Variants in FOXJ3 observed in about 807,000 individuals in gnomAD.
FOXJ3 encodes the protein forkhead box protein J3.
In FOXJ3, 22 loss-of-function variants were observed where a neutral mutation model predicts 76.1. The observed-to-expected ratio is 0.29, with a 90% CI of 0.21 to 0.41. The LOEUF is 0.41. Among genes scored for constraint, FOXJ3 ranks in the 10% least tolerant of loss-of-function variants. FOXJ3 has a pLI of 1.00. For missense variants in FOXJ3, 613 were observed against 762.1 expected (o/e 0.80, Z 2.30); for synonymous variants, 269 against 261.2 (o/e 1.03, Z -0.29).
At chr1:42,288,538 T>C (rs921336692) in intron 2 of FOXJ3, among the ~76,000 whole-genome samples, 2 of 152,200 alleles carry the variant, frequency 1.3e-5, no homozygotes, top group African/African-American at 4.8e-5. Context: ...GATCCTGTCT[T>C]GTCTTTTAGT....
At chr1:42,263,973 A>AC (rs1651274391) in intron 4 of FOXJ3, among the ~76,000 whole-genome samples, 1 of 117,366 alleles carries the variant, frequency 8.5e-6, no homozygotes, top group Non-Finnish European at 1.6e-5. Flanking sequence ...ATTGCTGCCT[A>AC]CTATGTGAAA....
intron 5 of FOXJ3, among the ~76,000 whole-genome samples, chr1:42,221,226 A>G (rs1336112984): frequency 6.6e-6 from 1 of 152,210 alleles, no homozygotes; most frequent in Non-Finnish European, 1.5e-5. Flanking sequence ...TCTGAGTTTT[A>G]TTATGAACAC....
rs1656409949 is a variant in FOXJ3, at chr1:42,335,154, G to A, written c.-113C>T. ...AAGGTCCCAACGGTGCCTACTGCGA[G>A]CGGTCGAGGCCCCGAGCAGCCCCGA... is the stretch of plus-strand genomic sequence containing the variant. On this transcript the variant is annotated 5_prime_UTR_variant, in exon 1 of 13. Coordinates refer to ENST00000361346, the MANE Select transcript of FOXJ3 (RefSeq NM_014947.5). 1 of 152,192 alleles carries A rather than the reference G, an allele frequency of 6.6e-6. No individual in the cohort carries two copies. The highest frequency in any genetic ancestry group is 6.5e-5 in the Admixed American group (1 of 15,270). 9.4% of individuals were successfully genotyped at this position (152,192 alleles called of 1,614,324 possible).
In FOXJ3 at chr1:42,288,751, G is replaced by A. The variant is rs555754548; in HGVS notation, c.45-10079C>T. ...TAGTAGAGCTTTTCAGATACTATGT[G>A]GTGTGTGATATCACAACAGATTTAA... On this transcript the variant is annotated intron_variant, in intron 2 of 12. Transcript: ENST00000361346. Among the ~76,000 whole-genome samples the A allele has an allele frequency of 2.9e-5, 4 of 138,234 alleles. No individual in the cohort carries two copies. In the Admixed American group the frequency reaches 3.1e-4, roughly 11 times the overall value. The allele number at this position is 138,234 out of a possible 152,430, so 90.7% of individuals were successfully genotyped here. A position where few individuals can be genotyped will look rare whatever the true frequency, so the allele number is the denominator to read the frequency against.
At chr1:42,292,156 T>C (rs1653479440) in intron 2 of FOXJ3, among the ~76,000 whole-genome samples, 1 of 152,142 alleles carries the variant, frequency 6.6e-6, no homozygotes. Context: ...TAAACATCAT[T>C]AGTTATTAGG....
At chr1:42,198,249 AT>A (rs199952973) in intron 7 of FOXJ3, among the ~76,000 whole-genome samples, 2 of 150,908 alleles carry the variant, frequency 1.3e-5, no homozygotes, top group East Asian at 1.9e-4. Context: ...ATAATACTTT[AT>A]TTTTTTTTAC....
chr1:42,291,697 C>T (rs117267960), intron 2 of FOXJ3, among the ~76,000 whole-genome samples: 1 of 151,888 alleles, frequency 6.6e-6, no homozygotes, highest in Non-Finnish European at 1.5e-5. Flanking sequence ...GGAAGATCGC[C>T]GGAGCCCAGG....
rs188790944 is a variant in FOXJ3 at position 42,211,490 on chromosome 1, G to A, written c.529-5627C>T. On this transcript the variant is annotated intron_variant, in intron 5 of 12. Transcript: ENST00000361346. ...TGAGAAGACCTCAGTGCATTTCACC[G>A]AGAGCTTCCCTAGCAACCTCTGCCA... 1.6e-4 allele frequency among the ~76,000 whole-genome samples: 24 copies of A among 152,006 alleles called. No individual in the cohort carries two copies. In the East Asian group the frequency reaches 4.5e-3, roughly 28 times the overall value.
intron 2 of FOXJ3, among the ~76,000 whole-genome samples, chr1:42,285,252 C>A: frequency 6.6e-6 from 1 of 152,096 alleles, no homozygotes. Flanking sequence ...GCTATTCTTC[C>A]TGATGCCCTC....
intron 2 of FOXJ3, among the ~76,000 whole-genome samples, chr1:42,282,491 T>A (rs554361197): frequency 6.6e-6 from 1 of 152,318 alleles, no homozygotes; most frequent in South Asian, 2.1e-4. Flanking sequence ...CAACCTCAGT[T>A]TGGCAACTGA....
At chr1:42,202,619 A>G (rs1462726580) in intron 6 of FOXJ3, among the ~76,000 whole-genome samples, 1 of 152,234 alleles carries the variant, frequency 6.6e-6, no homozygotes, top group Non-Finnish European at 1.5e-5. Flanking sequence ...AAAATAACAA[A>G]TACGTATTGT....
chr1:42,183,112 T>C (rs1646357732), intron 11 of FOXJ3, among the ~76,000 whole-genome samples: 1 of 150,408 alleles, frequency 6.6e-6, no homozygotes, highest in South Asian at 2.1e-4. Context: ...CTGTCTCTAC[T>C]AAAAATACAA....
intron 5 of FOXJ3, among the ~76,000 whole-genome samples, chr1:42,225,483 T>C (rs1647480364): frequency 6.6e-6 from 1 of 152,182 alleles, no homozygotes; most frequent in Admixed American, 6.5e-5. Context: ...GAAATTATGT[T>C]CCATAAGAAC....
intron 4 of FOXJ3, among the ~76,000 whole-genome samples, chr1:42,240,633 C>A (rs1261392728): frequency 6.6e-6 from 1 of 152,158 alleles, no homozygotes; most frequent in Non-Finnish European, 1.5e-5. Context: ...TTTTCAACAA[C>A]TGGTGCCAGG....
At chr1:42,203,283 C>T (rs1646796965) in intron 6 of FOXJ3, among the ~76,000 whole-genome samples, 1 of 152,148 alleles carries the variant, frequency 6.6e-6, no homozygotes, top group Non-Finnish European at 1.5e-5. Flanking sequence ...ACATTGTCTT[C>T]CCCCAACTGC....
rs1322633444 is a variant in FOXJ3, at chr1:42,316,333, C to CGTTTTTTTTTTT, written c.-17-5224_-17-5223insAAAAAAAAAAAC. ...ACAGGTGCACACCACTGCATTGGGCCTTTTTTTTTTTTTTTTCTGTAGAAA... is the reference window on the plus strand; with the variant it reads ...ACAGGTGCACACCACTGCATTGGGCCGTTTTTTTTTTTTTTTTTTTTTTTTTTTCTGTAGAAA... On this transcript the variant is annotated intron_variant, in intron 1 of 12. Coordinates refer to ENST00000361346, the MANE Select transcript of FOXJ3 (RefSeq NM_014947.5). 2.7e-3 allele frequency among the ~76,000 whole-genome samples: 197 copies of CGTTTTTTTTTTT among 73,902 alleles called. 7 individuals are homozygous for CGTTTTTTTTTTT. The highest frequency in any genetic ancestry group is 8.2e-3 in the African/African-American group (188 of 23,026). 48.5% of individuals were successfully genotyped at this position (73,902 alleles called of 152,430 possible).
At chr1:42,222,333 T>A (rs148079980) in intron 5 of FOXJ3, among the ~76,000 whole-genome samples, 2 of 152,182 alleles carry the variant, frequency 1.3e-5, no homozygotes, top group East Asian at 3.9e-4. Context: ...GCCTCTCTGC[T>A]ACATGGCCCC....
At chr1:42,249,853 G>A (rs1382742903) in intron 4 of FOXJ3, among the ~76,000 whole-genome samples, 2 of 152,230 alleles carry the variant, frequency 1.3e-5, no homozygotes, top group South Asian at 4.1e-4. Flanking sequence ...AAAAAGAAGA[G>A]AGCAATTAAT....
intron 11 of FOXJ3, among the ~76,000 whole-genome samples, chr1:42,182,333 T>C (rs1254365714): frequency 6.6e-6 from 1 of 152,196 alleles, no homozygotes; most frequent in Non-Finnish European, 1.5e-5. Flanking sequence ...TATTTTTGTA[T>C]CCATTACTTC....
Sources: gnomAD v4.1 joint callset for allele counts (sites outside exome capture counted in the v4.1 genomes callset) on GRCh38, gnomAD v4.1.1 for gene constraint, MANE v1.5 for transcripts, NCBI Gene and HGNC (gene_info 2026-07-23, HGNC 2026-07-21) for gene names.